STK32B: variants seen among roughly 807,000 people sequenced by gnomAD.
STK32B encodes serine/threonine-protein kinase 32B.
Under a neutral mutation model 52.6 loss-of-function variants are expected in STK32B, and 43 were observed. The observed-to-expected ratio is 0.82, with a 90% CI of 0.64 to 1.05. STK32B has a LOEUF of 1.05. Among genes scored for constraint, STK32B ranks in the 50% least tolerant of loss-of-function variants. The pLI, the probability that STK32B is intolerant of heterozygous loss-of-function variation, is 0.00. For missense variants in STK32B, 621 were observed against 534.6 expected (o/e 1.16, Z -1.59); for synonymous variants, 238 against 204.3 (o/e 1.17, Z -1.41).
At chr4:5,156,198 A>G (rs549255007) in intron 2 of STK32B, among the ~76,000 whole-genome samples, 6 of 151,912 alleles carry the variant, frequency 3.9e-5, no homozygotes, top group African/African-American at 9.7e-5. Flanking sequence ...GAAGTGGTCT[A>G]TATGTACATA....
intron 3 of STK32B, among the ~76,000 whole-genome samples, chr4:5,232,382 T>C (rs1435652467): frequency 6.6e-6 from 1 of 152,222 alleles, no homozygotes; most frequent in African/African-American, 2.4e-5. Context: ...AATGAAAATA[T>C]CTGCACTTTC....
chr4:5,162,164 A>C (rs1023372781), intron 2 of STK32B, among the ~76,000 whole-genome samples: 2 of 151,926 alleles, frequency 1.3e-5, no homozygotes, highest in African/African-American at 4.8e-5. Flanking sequence ...TCTGTTCTGT[A>C]CTCCTCTGTC....
At chr4:5,346,229 G>A (rs1036650158) in intron 4 of STK32B, among the ~76,000 whole-genome samples, 2 of 152,184 alleles carry the variant, frequency 1.3e-5, no homozygotes, top group African/African-American at 4.8e-5. Flanking sequence ...GTGGGGACAA[G>A]AATTATACCA....
chr4:5,127,992 T>C (rs1337929859), intron 1 of STK32B, among the ~76,000 whole-genome samples: 1 of 152,182 alleles, frequency 6.6e-6, no homozygotes, highest in Non-Finnish European at 1.5e-5. Flanking sequence ...CCACCATGAT[T>C]GTGAGGCCTC....
chr4:5,238,532 C>T (rs1047978586), intron 3 of STK32B, among the ~76,000 whole-genome samples: 1 of 152,182 alleles, frequency 6.6e-6, no homozygotes, highest in African/African-American at 2.4e-5. Flanking sequence ...ATGAACATGA[C>T]CTCCAGGGAG....
chr4:5,093,112 G>T (rs1447573462), intron 1 of STK32B, among the ~76,000 whole-genome samples: 1 of 151,922 alleles, frequency 6.6e-6, no homozygotes, highest in Non-Finnish European at 1.5e-5. Flanking sequence ...AAAAAAACTT[G>T]CAGAAGAAAA....
intron 1 of STK32B, chr4:5,127,171 C>T (rs767008319): frequency 2.7e-5 from 13 of 487,280 alleles, no homozygotes; most frequent in East Asian, 1.2e-4. Context: ...CTTATCTTTC[C>T]GTTAAACATA....
At chr4:5,137,427 C>A (rs1313676169) in intron 1 of STK32B, among the ~76,000 whole-genome samples, 3 of 152,172 alleles carry the variant, frequency 2.0e-5, no homozygotes, top group African/African-American at 7.2e-5. Flanking sequence ...GGATAACTTG[C>A]ACCACCTTGG....
intron 3 of STK32B, among the ~76,000 whole-genome samples, chr4:5,261,055 T>C (rs945707050): frequency 6.6e-6 from 1 of 152,142 alleles, no homozygotes; most frequent in Non-Finnish European, 1.5e-5. Flanking sequence ...GGCTCTTTAG[T>C]GGAGACAACT....
Position 5,491,355 on chromosome 4 carries a change from T to A in STK32B, c.1107-7590T>A, listed in dbSNP as rs549023578. 3.4e-3 allele frequency among the ~76,000 whole-genome samples: 523 copies of A among 152,344 alleles called. 7 individuals carry two copies. Among genetic ancestry groups the A allele is most frequent in the African/African-American group, 0.012 (494 of 41,572 alleles). ...GATGGTGAGCATTTTTTCATGTGTT[T>A]TTTGGCTGCATAAATGTCTTCTTTT... On this transcript the variant is annotated intron_variant, in intron 11 of 11. Coordinates refer to ENST00000282908, the MANE Select transcript of STK32B (RefSeq NM_018401.3).
At chr4:5,426,233 T>C (rs4017784) in intron 6 of STK32B, among the ~76,000 whole-genome samples, 24,567 of 152,058 alleles carry the variant, frequency 0.16, 2,752 homozygotes, top group East Asian at 0.41. Context: ...TCTGTGTCCT[T>C]GCCAGTACTT....
At chr4:5,440,579 A>G (rs1355459743) in intron 6 of STK32B, among the ~76,000 whole-genome samples, 1 of 152,090 alleles carries the variant, frequency 6.6e-6, no homozygotes, top group Non-Finnish European at 1.5e-5. Context: ...CTCTTTTCCT[A>G]ATTGAATACC....
At chr4:5,077,159 C>G (rs1398115177) in intron 1 of STK32B, among the ~76,000 whole-genome samples, 2 of 152,158 alleles carry the variant, frequency 1.3e-5, no homozygotes, top group Non-Finnish European at 2.9e-5. Context: ...GTGTGGCACT[C>G]CTTCCTTTTT....
At chr4:5,304,422 G>GT (rs1729779879) in intron 3 of STK32B, among the ~76,000 whole-genome samples, 2 of 124,054 alleles carry the variant, frequency 1.6e-5, no homozygotes, top group African/African-American at 4.8e-5. Context: ...AGTATTTTAT[G>GT]GTTTTTTTTT....
At chr4:5,456,777 C>T (rs1716560892) in intron 7 of STK32B, 30 bp from the exon 8 acceptor site, 1 of 1,533,184 alleles carries the variant, frequency 6.5e-7, no homozygotes, top group Non-Finnish European at 8.9e-7. Flanking sequence ...GGCTCTCTCT[C>T]TGATTCTGGC....
chr4:5,176,753 A>G (rs988823845), intron 3 of STK32B, among the ~76,000 whole-genome samples: 2 of 152,116 alleles, frequency 1.3e-5, no homozygotes, highest in African/African-American at 4.8e-5. Context: ...CTTAGGCACC[A>G]TTTCTTGATC....
intron 3 of STK32B, among the ~76,000 whole-genome samples, chr4:5,322,343 G>T (rs1203364038): frequency 6.6e-6 from 1 of 152,120 alleles, no homozygotes; most frequent in East Asian, 1.9e-4. Flanking sequence ...CTTGCTGGCT[G>T]TTACATTTTT....
intron 3 of STK32B, among the ~76,000 whole-genome samples, chr4:5,286,900 C>A (rs1012417925): frequency 6.7e-6 from 1 of 148,488 alleles, no homozygotes; most frequent in African/African-American, 2.5e-5. Context: ...CAGTTTCAAG[C>A]GATTCTCCTG....
At chr4:5,276,800 C>T (rs764436517) in intron 3 of STK32B, among the ~76,000 whole-genome samples, 13 of 152,082 alleles carry the variant, frequency 8.5e-5, no homozygotes, top group East Asian at 3.9e-4. Context: ...AGCTGGCCAA[C>T]GGTGGGGTGC....
Sources: gnomAD v4.1 joint callset for allele counts (sites outside exome capture counted in the v4.1 genomes callset) on GRCh38, gnomAD v4.1.1 for gene constraint, MANE v1.5 for transcripts, NCBI Gene and HGNC (gene_info 2026-07-23, HGNC 2026-07-21) for gene names.